CDK12: variants seen among roughly 807,000 people sequenced by gnomAD.
The protein encoded by CDK12 is cyclin-dependent kinase 12.
CDK12 carries 17 observed loss-of-function variants against 133.8 expected under a neutral mutation model. The ratio of observed to expected loss-of-function variants is 0.13; its 90% CI spans 0.09 to 0.19. The LOEUF (loss-of-function observed/expected upper bound fraction) is 0.19, where lower values mean the gene tolerates loss of function less well. Ranked by LOEUF, CDK12 falls within the 10% of genes least tolerant of loss-of-function variation. The probability of loss-of-function intolerance (pLI) is 1.00; values close to 1 mark genes in which losing one functional copy is unlikely to be tolerated. For missense variants in CDK12, 1,508 were observed against 1,818.7 expected (o/e 0.83, Z 3.11); for synonymous variants, 694 against 683.6 (o/e 1.02, Z -0.24).
At chr17:39,515,318 A>G (rs534411858) in intron 8 of CDK12, among the ~76,000 whole-genome samples, 1 of 152,360 alleles carries the variant, frequency 6.6e-6, no homozygotes, top group South Asian at 2.1e-4. Context: ...TCTTCTACAG[A>G]GCAGATTAAT....
chr17:39,514,481 A>G (rs181510696), intron 8 of CDK12, among the ~76,000 whole-genome samples: 4 of 152,208 alleles, frequency 2.6e-5, no homozygotes, highest in Admixed American at 6.5e-5. Flanking sequence ...AAAATGAAAA[A>G]TTTCAGGCAC....
chr17:39,489,919 G>A (rs1388191030), intron 2 of CDK12, among the ~76,000 whole-genome samples: 1 of 150,164 alleles, frequency 6.7e-6, no homozygotes, highest in Non-Finnish European at 1.5e-5. Flanking sequence ...GGATCACAGG[G>A]GTGAGCCACC....
intron 5 of CDK12, among the ~76,000 whole-genome samples, chr17:39,496,210 C>T (rs1045641980): frequency 1.3e-5 from 2 of 152,130 alleles, no homozygotes; most frequent in Non-Finnish European, 2.9e-5. Flanking sequence ...CACACTCAGC[C>T]CTGCTTTTAG....
At chr17:39,467,145 AT>A (rs1242280597) in intron 1 of CDK12, among the ~76,000 whole-genome samples, 1 of 151,778 alleles carries the variant, frequency 6.6e-6, no homozygotes, top group Non-Finnish European at 1.5e-5. Context: ...TGCCCAGCTA[AT>A]TTTTGTATTT....
At chr17:39,518,894 C>T (rs1436804950) in intron 10 of CDK12, among the ~76,000 whole-genome samples, 1 of 152,012 alleles carries the variant, frequency 6.6e-6, no homozygotes, top group Non-Finnish European at 1.5e-5. Flanking sequence ...TGTTATAGCA[C>T]AGCATTTCTC....
At chr17:39,497,647 C>T (rs2052232780) in intron 5 of CDK12, among the ~76,000 whole-genome samples, 1 of 151,522 alleles carries the variant, frequency 6.6e-6, no homozygotes, top group Admixed American at 6.6e-5. Flanking sequence ...AGTGTGTTGC[C>T]CAGGCTGGAG....
At chr17:39,529,274 A>G (rs1033008360) in intron 13 of CDK12, among the ~76,000 whole-genome samples, 5 of 152,206 alleles carry the variant, frequency 3.3e-5, no homozygotes, top group Non-Finnish European at 1.5e-5. Flanking sequence ...TAGTGTTTTC[A>G]GAGTGCTTTC....
chr17:39,513,132 G>A (rs1005388126), intron 8 of CDK12, among the ~76,000 whole-genome samples: 4 of 152,084 alleles, frequency 2.6e-5, no homozygotes, highest in Non-Finnish European at 5.9e-5. Context: ...TCCTTTTACT[G>A]GAAAATGATA....
chr17:39,479,610 T>G (rs955568418), intron 2 of CDK12, among the ~76,000 whole-genome samples: 20 of 152,064 alleles, frequency 1.3e-4, no homozygotes, highest in Admixed American at 6.6e-4. Flanking sequence ...TGTCTGTTTT[T>G]TTTTGTTTTG....
chr17:39,515,815 C>T lies in CDK12; in HGVS notation c.2846+7C>T, dbSNP rs2146467500. 6.2e-7 allele frequency: 1 copy of T among 1,603,068 alleles called. No homozygotes were observed. The highest frequency in any genetic ancestry group is 8.5e-7 in the Non-Finnish European group (1 of 1,172,228). ...CTCAGCTAGAACTGATCAGGTACAG[C>T]TGTACATGTGCTCTTGAGTGCCCAG... is the stretch of plus-strand genomic sequence containing the variant. On this transcript the variant is annotated splice_region_variant and intron_variant, in intron 9 of 13. Transcript: ENST00000447079.
At chr17:39,502,480 C>T (rs1010437253) in intron 6 of CDK12, among the ~76,000 whole-genome samples, 4 of 152,092 alleles carry the variant, frequency 2.6e-5, no homozygotes, top group African/African-American at 9.7e-5. Context: ...CAGACATTAT[C>T]TATATAGGAA....
chr17:39,552,731 GT>G (rs2056002268), intron 2 of CDK12, among the ~76,000 whole-genome samples: 1 of 152,024 alleles, frequency 6.6e-6, no homozygotes, highest in Non-Finnish European at 1.5e-5. Context: ...AGGCTTTTTT[GT>G]TTGTTTGTTT....
At chr17:39,543,637 G>A (rs570025023), upstream of CDK12, among the ~76,000 whole-genome samples, 52 of 152,298 alleles carry the variant, frequency 3.4e-4, no homozygotes, top group African/African-American at 1.2e-3. Context: ...TATCCTTTAC[G>A]TTTTGTTCAT....
At chr17:39,487,553 G>C (rs2051227620) in intron 2 of CDK12, among the ~76,000 whole-genome samples, 1 of 149,198 alleles carries the variant, frequency 6.7e-6, no homozygotes, top group South Asian at 2.1e-4. Flanking sequence ...GTAGACATGA[G>C]TTAGTCTGTT....
intron 2 of CDK12, among the ~76,000 whole-genome samples, chr17:39,486,853 A>C (rs1254342244): frequency 6.6e-6 from 1 of 152,020 alleles, no homozygotes; most frequent in South Asian, 2.1e-4. Context: ...CTAAAAATAC[A>C]AAAAACTAGC....
intron 2 of CDK12, among the ~76,000 whole-genome samples, chr17:39,487,691 A>G (rs1377083887): frequency 7.5e-6 from 1 of 132,598 alleles, no homozygotes; most frequent in Non-Finnish European, 1.5e-5. Flanking sequence ...ATCTCGGCTT[A>G]CTGCAACCTT....
At chr17:39,553,903 C>A (rs568706214) in intron 2 of CDK12, among the ~76,000 whole-genome samples, 1 of 150,832 alleles carries the variant, frequency 6.6e-6, no homozygotes, top group Admixed American at 6.6e-5. Context: ...AATGAAGGTC[C>A]CTCATCTGGA....
At chr17:39,495,925 T>TTTTTG (rs2052071873) in intron 5 of CDK12, among the ~76,000 whole-genome samples, 1 of 151,804 alleles carries the variant, frequency 6.6e-6, no homozygotes, top group Non-Finnish European at 1.5e-5. Flanking sequence ...TTTTGTTTTT[T>TTTTTG]TTTTGAGACA....
intron 2 of CDK12, among the ~76,000 whole-genome samples, chr17:39,477,897 G>A (rs1023868759): frequency 6.6e-6 from 1 of 151,478 alleles, no homozygotes; most frequent in East Asian, 1.9e-4. Flanking sequence ...TAGTAGAGAC[G>A]GGGTTTCACT....
Sources: gnomAD v4.1 joint callset for allele counts (sites outside exome capture counted in the v4.1 genomes callset) on GRCh38, gnomAD v4.1.1 for gene constraint, MANE v1.5 for transcripts, NCBI Gene and HGNC (gene_info 2026-07-23, HGNC 2026-07-21) for gene names.